Variants in ALPK1 observed in about 807,000 individuals in gnomAD.
The protein encoded by ALPK1 is alpha kinase 1.
Under a neutral mutation model 120.6 loss-of-function variants are expected in ALPK1, and 110 were observed. The ratio of observed to expected loss-of-function variants is 0.91; its 90% CI spans 0.78 to 1.07. The LOEUF (loss-of-function observed/expected upper bound fraction) is 1.07, where lower values mean the gene tolerates loss of function less well. ALPK1 is among the 50% of genes least tolerant of loss of function. The pLI is 0.00. For missense variants in ALPK1, 1,498 were observed against 1,483.9 expected (o/e 1.01, Z -0.16); for synonymous variants, 582 against 560.3 (o/e 1.04, Z -0.55).
intron 2 of ALPK1, among the ~76,000 whole-genome samples, chr4:112,374,190 A>G (rs1011561585): frequency 1.3e-5 from 2 of 152,244 alleles, no homozygotes; most frequent in Admixed American, 6.5e-5. Flanking sequence ...CTAAGTTTAC[A>G]TAATATTCTA....
chr4:112,435,294 C>A lies in ALPK1; in HGVS notation c.3181C>A (p.Leu1061Met), dbSNP rs1296184140. The A allele has an allele frequency of 2.5e-6, 4 of 1,608,314 alleles. No homozygotes were observed. Residue 1061 changes from leucine to methionine, a missense_variant, in exon 12 of 16, where the codon CTG (leucine) becomes ATG (methionine). By Grantham distance (15) the Leu-to-Met change is conservative (BLOSUM62 2). Coordinates refer to ENST00000650871, the MANE Select transcript of ALPK1 (RefSeq NM_025144.4). ...WVHHLHQEEI[L>M]GRYVGKDYKE... ...TCATCATCTTCATCAAGAAGAAATT[C>A]TGGGGAGGTATTACTTAAAAACATT... is the stretch of plus-strand genomic sequence containing the variant.
At chr4:112,437,696 G>C (rs1167075441) in intron 12 of ALPK1, among the ~76,000 whole-genome samples, 1 of 152,150 alleles carries the variant, frequency 6.6e-6, no homozygotes, top group Non-Finnish European at 1.5e-5. Flanking sequence ...GTCTTCAGGA[G>C]TCTGAATGGC....
rs1395377471 is a variant in ALPK1 at position 112,431,120 on chromosome 4, A to G, written c.1573A>G (p.Lys525Glu). 6.2e-7 allele frequency: 1 copy of G among 1,614,206 alleles called. No homozygotes were observed. Among genetic ancestry groups the G allele is most frequent in the Middle Eastern group, 1.6e-4 (1 of 6,062 alleles). ...DTGISSSLMG[K>E]NVQRELRRGG... The stretch of plus-strand genomic sequence containing the variant: ...AGGAATATCTTCCTCCCTAATGGGT[A>G]AGAATGTTCAGAGGGAACTCAGAAG... Residue 525 changes from lysine to glutamate, a missense_variant, in exon 11 of 16, where the codon AAG becomes GAG. Coordinates refer to ENST00000650871, the MANE Select transcript of ALPK1 (RefSeq NM_025144.4).
At chr4:112,356,217 T>C (rs1244147952) in intron 2 of ALPK1, 3 of 1,589,270 alleles carry the variant, frequency 1.9e-6, no homozygotes, top group Non-Finnish European at 2.6e-6. Context: ...ATGACCAAGG[T>C]CCTGGAATGT....
chr4:112,412,017 T>G lies in ALPK1; in HGVS notation c.467T>G (p.Val156Gly). 7 of 1,613,972 alleles carry G rather than the reference T, an allele frequency of 4.3e-6. No homozygotes were observed. The highest frequency in any genetic ancestry group is 5.9e-6 in the Non-Finnish European group (7 of 1,180,020). Residue 156 changes from valine (V) to glycine (G), a missense_variant, in exon 5 of 16, where the codon GTG becomes GGG. Transcript: ENST00000650871. ...GTTATTCGCCAAGCCCGAATCTCCG[T>G]GAACTCAGGTATGCTCCCTCCTGCT... The part of the protein sequence containing the change: ...QVVIRQARIS[V>G]NSGKLLKAEY...
chr4:112,423,846 T>C, intron 5 of ALPK1, 98 bp from the exon 6 acceptor site: 1 of 1,138,810 alleles, frequency 8.8e-7, no homozygotes, highest in Non-Finnish European at 1.3e-6. Context: ...GAGGTTACAG[T>C]TCCTGCTGCA....
chr4:112,314,717 G>A (rs1452099296), intron 1 of ALPK1, among the ~76,000 whole-genome samples: 3 of 152,098 alleles, frequency 2.0e-5, no homozygotes, highest in African/African-American at 7.2e-5. Flanking sequence ...CCAAAGGTGG[G>A]GATAGGAGTG....
At chr4:112,308,152 C>T in intron 1 of ALPK1, among the ~76,000 whole-genome samples, 1 of 152,058 alleles carries the variant, frequency 6.6e-6, no homozygotes, top group South Asian at 2.1e-4. Context: ...TGTGGGTAAC[C>T]CAACCTTTCT....
intron 2 of ALPK1, among the ~76,000 whole-genome samples, chr4:112,365,127 T>C (rs1731083962): frequency 6.6e-6 from 1 of 152,158 alleles, no homozygotes; most frequent in South Asian, 2.1e-4. Flanking sequence ...GTTGAAAGCA[T>C]TCCCCGAGAG....
At chr4:112,426,379 T>A (rs763300925) in intron 7 of ALPK1, 88 bp from the exon 8 acceptor site, 1 of 993,106 alleles carries the variant, frequency 1.0e-6, no homozygotes, top group Admixed American at 2.1e-5. Flanking sequence ...TGGTTCTGTA[T>A]TTGTTTTCAA....
At chr4:112,299,490 T>C (rs1727693594) in intron 1 of ALPK1, among the ~76,000 whole-genome samples, 1 of 152,178 alleles carries the variant, frequency 6.6e-6, no homozygotes, top group African/African-American at 2.4e-5. Flanking sequence ...AATTTACTAT[T>C]GATTTTAAGG....
At chr4:112,421,355 A>G (rs1733982632) in intron 5 of ALPK1, among the ~76,000 whole-genome samples, 1 of 152,218 alleles carries the variant, frequency 6.6e-6, no homozygotes, top group African/African-American at 2.4e-5. Context: ...GATACAGGAC[A>G]GCACCCTTAA....
intron 2 of ALPK1, among the ~76,000 whole-genome samples, chr4:112,317,818 G>A (rs1391165394): frequency 6.6e-6 from 1 of 151,886 alleles, no homozygotes; most frequent in African/African-American, 2.4e-5. Flanking sequence ...TTTATATTTT[G>A]CTTTGTCTTA....
chr4:112,346,369 TAAC>T (rs1730104998), intron 2 of ALPK1, among the ~76,000 whole-genome samples: 1 of 152,252 alleles, frequency 6.6e-6, no homozygotes, highest in Non-Finnish European at 1.5e-5. Context: ...TGAGGACTCT[TAAC>T]GACATTCATT....
chr4:112,415,150 G>C (rs1462873374), intron 5 of ALPK1: 1 of 152,112 alleles, frequency 6.6e-6, no homozygotes, highest in African/African-American at 2.4e-5. Flanking sequence ...TTTGAGTGTG[G>C]AGTCTGAATT....
chr4:112,428,754 C>T (rs901468060), intron 9 of ALPK1, among the ~76,000 whole-genome samples: 1 of 152,126 alleles, frequency 6.6e-6, no homozygotes, highest in African/African-American at 2.4e-5. Flanking sequence ...TAGAACAGGC[C>T]CTGGAATGTG....
intron 2 of ALPK1, among the ~76,000 whole-genome samples, chr4:112,349,557 C>CCA (rs1553939400): frequency 5.6e-5 from 8 of 143,016 alleles, no homozygotes; most frequent in African/African-American, 2.2e-4. Flanking sequence ...CCCTGCCCCC[C>CCA]CCCGCTTTAT....
intron 6 of ALPK1, 80 bp from the exon 7 acceptor site, chr4:112,425,585 T>A: frequency 8.4e-7 from 1 of 1,197,198 alleles, no homozygotes; most frequent in Non-Finnish European, 1.2e-6. Flanking sequence ...CATGTGCTCA[T>A]GAAGACTTCT....
chr4:112,398,256 T>C (rs1732753873), intron 4 of ALPK1, among the ~76,000 whole-genome samples: 1 of 152,300 alleles, frequency 6.6e-6, no homozygotes, highest in Non-Finnish European at 1.5e-5. Context: ...CAATATCATA[T>C]AGGATTTTAT....
Sources: allele counts gnomAD v4.1 joint callset (sites outside exome capture counted in the v4.1 genomes callset), GRCh38; gene constraint gnomAD v4.1.1; transcripts MANE v1.5; gene names NCBI Gene and HGNC (gene_info 2026-07-23, HGNC 2026-07-21).